The following KMO variants were observed in gnomAD, a reference collection of about 807,000 sequenced individuals.
The protein encoded by KMO is kynurenine 3-monooxygenase.
In KMO, 24 loss-of-function variants were observed where a neutral mutation model predicts 57.8. The observed-to-expected ratio is 0.42, with a 90% CI of 0.30 to 0.58. KMO has a LOEUF of 0.58. Among genes scored for constraint, KMO ranks in the 20% least tolerant of loss-of-function variants. The pLI, the probability that KMO is intolerant of heterozygous loss-of-function variation, is 0.22. For synonymous variants in KMO, 210 were observed against 193.6 expected (o/e 1.08, Z -0.70); for missense variants, 483 against 588.2 (o/e 0.82, Z 1.85).
intron 5 of KMO, among the ~76,000 whole-genome samples, chr1:241,560,124 T>G (rs1305822257): frequency 1.3e-5 from 2 of 152,186 alleles, no homozygotes; most frequent in African/African-American, 2.4e-5. Flanking sequence ...AATAATTTGT[T>G]TCAGTTTATT....
At chr1:241,583,245 A>G (rs1002588542) in intron 10 of KMO, among the ~76,000 whole-genome samples, 2 of 152,086 alleles carry the variant, frequency 1.3e-5, no homozygotes, top group African/African-American at 4.8e-5. Context: ...GTCATACCTG[A>G]AGCTAACACA....
chr1:241,577,650 T>A (rs1014263472), intron 10 of KMO, among the ~76,000 whole-genome samples: 1 of 152,158 alleles, frequency 6.6e-6, no homozygotes, highest in Non-Finnish European at 1.5e-5. Context: ...GCTCATCTCG[T>A]TTCCCATGAT....
intron 1 of KMO, among the ~76,000 whole-genome samples, 189 bp from the exon 2 acceptor site, chr1:241,548,640 G>A (rs1226070555): frequency 6.6e-6 from 1 of 150,602 alleles, no homozygotes; most frequent in African/African-American, 2.4e-5. Flanking sequence ...AATAAATATT[G>A]CTATTTTTGC....
rs769404412 is a variant in KMO at position 241,588,829 on chromosome 1, A to C, written c.1097A>C (p.Glu366Ala). ...GACCTATCCATGTACAATTACATAG[A>C]GGTGAGTGAGAAGGTTTGGCTTTAT... ...ISDLSMYNYI[E>A]MRAHVNSSWF... is the part of the protein sequence containing the mutation. The change falls in exon 12 of 15, where the codon GAG becomes GCG. Residue 366 changes from glutamate (E) to alanine (A), a missense_variant and splice_region_variant. By Grantham distance (107) the Glu-to-Ala change is moderately radical (BLOSUM62 -1). Around this residue, in one of 3 missense-constraint regions of KMO, gnomAD observed 410 missense variants for 492.3 expected, o/e 0.83. Transcript: ENST00000366559. 2 of 1,608,236 alleles carry C rather than the reference A, an allele frequency of 1.2e-6. No homozygotes were observed. Among genetic ancestry groups the C allele is most frequent in the Non-Finnish European group, 1.7e-6 (2 of 1,174,990 alleles).
rs141230053 is a variant in KMO at position 241,572,253 on chromosome 1, C to T, written c.957+3606C>T. Among the ~76,000 whole-genome samples, 346 of 152,212 alleles carry T rather than the reference C, an allele frequency of 2.3e-3. 2 individuals are homozygous for T. The highest frequency in any genetic ancestry group is 7.7e-3 in the African/African-American group (320 of 41,556). On this transcript the variant is annotated intron_variant, in intron 10 of 14. Transcript: ENST00000366559. ...TTCTTTGATGGGAAACTTTTTGTTACTGCTTCTATCTTGTTACTTGTTAAT... is the reference window on the plus strand; with the variant it reads ...TTCTTTGATGGGAAACTTTTTGTTATTGCTTCTATCTTGTTACTTGTTAAT...
rs572974667 is a variant in KMO, at chr1:241,572,279, G to A, written c.957+3632G>A. On this transcript the variant is annotated intron_variant, in intron 10 of 14. Coordinates refer to ENST00000366559, the MANE Select transcript of KMO (RefSeq NM_003679.5). ...TGCTTCTATCTTGTTACTTGTTAATGGTGGAATTTCTTTATGATTCAATCT... is the reference window on the plus strand; with the variant it reads ...TGCTTCTATCTTGTTACTTGTTAATAGTGGAATTTCTTTATGATTCAATCT... 1.8e-4 allele frequency among the ~76,000 whole-genome samples: 27 copies of A among 152,176 alleles called. No homozygotes were observed. The South Asian group carries it at 4.8e-3, about 27-fold the overall frequency.
chr1:241,554,190 TTTA>T (rs571890960), intron 4 of KMO, among the ~76,000 whole-genome samples: 65 of 152,154 alleles, frequency 4.3e-4, no homozygotes, highest in Admixed American at 1.1e-3. Context: ...CCAGGCCAGA[TTTA>T]TTATTACATA....
intron 1 of KMO, among the ~76,000 whole-genome samples, chr1:241,539,246 T>A (rs891975116): frequency 8.6e-5 from 13 of 152,040 alleles, no homozygotes; most frequent in African/African-American, 3.1e-4. Context: ...TAGCCAGGCA[T>A]GGCAGTGTGT....
At chr1:241,539,997 A>G (rs532828547) in intron 1 of KMO, among the ~76,000 whole-genome samples, 2 of 152,316 alleles carry the variant, frequency 1.3e-5, no homozygotes, top group Non-Finnish European at 2.9e-5. Flanking sequence ...CAAGTATTAA[A>G]TGCTTTTACT....
Position 241,548,857 on chromosome 1 carries a change from CA to C in KMO, c.86del (p.Lys29ArgfsTer28). On this transcript the variant is annotated frameshift_variant, in exon 2 of 15. Transcript: ENST00000366559. LOFTEE classifies it high-confidence loss of function. ...GGCTCATTACAAGCATGCTTTCTTG[CA>C]AAGAGGAATTTCCAGATTGATGTAT... The part of the protein sequence containing the change: ...LVGSLQACFL[A>X]KRNFQIDVYE... 6.2e-7 allele frequency: 1 copy of C among 1,604,772 alleles called. No homozygotes were observed. Among genetic ancestry groups the C allele is most frequent in the Non-Finnish European group, 8.5e-7 (1 of 1,172,324 alleles).
chr1:241,552,518 C>T (rs1475003343), intron 4 of KMO, among the ~76,000 whole-genome samples: 1 of 152,106 alleles, frequency 6.6e-6, no homozygotes, highest in Non-Finnish European at 1.5e-5. Context: ...TTCACATCCC[C>T]GGGAGCCCAC....
At chr1:241,585,704 C>T (rs769996538) in intron 10 of KMO, among the ~76,000 whole-genome samples, 3 of 150,902 alleles carry the variant, frequency 2.0e-5, no homozygotes, top group Non-Finnish European at 2.9e-5. Context: ...TTGAAGTGAG[C>T]CGAGATTGTG....
chr1:241,579,767 A>G (rs1168683809), intron 10 of KMO, among the ~76,000 whole-genome samples: 2 of 152,020 alleles, frequency 1.3e-5, no homozygotes, highest in African/African-American at 4.8e-5. Flanking sequence ...CACACTTCCC[A>G]TTCACCTCCC....
At chr1:241,578,977 C>T (rs972491103) in intron 10 of KMO, among the ~76,000 whole-genome samples, 4 of 152,198 alleles carry the variant, frequency 2.6e-5, no homozygotes, top group East Asian at 1.9e-4. Context: ...TTCACTACCA[C>T]GAGAATTGTA....
intron 9 of KMO, 78 bp from the exon 10 acceptor site, chr1:241,568,417 GTTAAT>G (rs1662159249): frequency 7.3e-7 from 1 of 1,366,254 alleles, no homozygotes; most frequent in Non-Finnish European, 1.0e-6. Flanking sequence ...CTTCGTGATA[GTTAAT>G]TTAGTAAACC....
intron 6 of KMO, 99 bp downstream of exon 6, chr1:241,560,851 G>T: frequency 1.2e-6 from 1 of 815,416 alleles, no homozygotes; most frequent in Non-Finnish European, 2.1e-6. Context: ...AGAGTTAAAA[G>T]ATTATTGAAA....
At chr1:241,549,256 A>AGAAAGAAAGAAAGTAAGTCG (rs1553346343) in intron 2 of KMO, among the ~76,000 whole-genome samples, 3 of 114,808 alleles carry the variant, frequency 2.6e-5, no homozygotes, top group Non-Finnish European at 5.7e-5. Flanking sequence ...AAAGAAAGAA[A>AGAAAGAAAGAAAGTAAGTCG]GAAAGAAAGA....
intron 10 of KMO, among the ~76,000 whole-genome samples, chr1:241,573,333 C>T (rs1662375857): frequency 6.6e-6 from 1 of 152,006 alleles, no homozygotes; most frequent in East Asian, 1.9e-4. Flanking sequence ...GGAGTCTTAG[C>T]CATGAATTCT....
chr1:241,590,263 G>T lies in KMO; in HGVS notation c.1260G>T (p.Lys420Asn). 1 of 1,609,122 alleles carries T rather than the reference G, an allele frequency of 6.2e-7. No homozygotes were observed. The highest frequency in any genetic ancestry group is 8.5e-7 in the Non-Finnish European group (1 of 1,175,690). ...TGCAGCGTTGGCATTGGCAAAAAAA[G>T]GTTGGAACAGTTACATTTTATTTAT... ...EAVQRWHWQK[K>N]VINKGLFFLG... Residue 420 changes from lysine (K) to asparagine (N), a missense_variant and splice_region_variant, in exon 14 of 15, where the codon AAG becomes AAT. Coordinates refer to ENST00000366559, the MANE Select transcript of KMO (RefSeq NM_003679.5).
Sources: allele counts gnomAD v4.1 joint callset (sites outside exome capture counted in the v4.1 genomes callset), GRCh38; gene constraint gnomAD v4.1.1; regional missense constraint gnomAD v4.1.1; transcripts MANE v1.5; gene names NCBI Gene and HGNC (gene_info 2026-07-23, HGNC 2026-07-21).